STK3: variants seen among roughly 807,000 people sequenced by gnomAD.
The protein encoded by STK3 is serine/threonine kinase 3, also known as serine/threonine-protein kinase 3.
A neutral mutation model predicts 58.0 loss-of-function variants in STK3; 41 were observed. The ratio of observed to expected loss-of-function variants is 0.71; its 90% confidence interval spans 0.55 to 0.92. STK3 has a LOEUF of 0.92. STK3 is among the 40% of genes least tolerant of loss of function. The pLI is 0.00. For missense variants in STK3, 479 were observed against 602.7 expected (o/e 0.79, Z 2.15); for synonymous variants, 170 against 191.0 (o/e 0.89, Z 0.91).
chr8:98,662,577 CTCTA>C (rs747936987), intron 6 of STK3, among the ~76,000 whole-genome samples: 2 of 151,932 alleles, frequency 1.3e-5, no homozygotes, highest in African/African-American at 4.8e-5. Context: ...TTAAATAACA[CTCTA>C]TCTACTGTTT....
At chr8:98,650,671 C>A (rs549733719) in intron 6 of STK3, among the ~76,000 whole-genome samples, 7 of 152,224 alleles carry the variant, frequency 4.6e-5, no homozygotes, top group African/African-American at 7.2e-5. Context: ...TAAAAAACAG[C>A]GCACCAGGAG....
chr8:98,703,633 G>T (rs906421057), intron 6 of STK3, among the ~76,000 whole-genome samples: 1 of 151,952 alleles, frequency 6.6e-6, no homozygotes, highest in African/African-American at 2.4e-5. Flanking sequence ...TTTCCAGACT[G>T]TGCCCTGTTA....
intron 4 of STK3, among the ~76,000 whole-genome samples, chr8:98,716,767 A>G (rs964280263): frequency 2.0e-5 from 3 of 152,196 alleles, no homozygotes; most frequent in African/African-American, 7.2e-5. Context: ...CCTGATTTCA[A>G]AACTTATTAC....
At chr8:98,828,513 C>T (rs1835410399), upstream of STK3, among the ~76,000 whole-genome samples, 1 of 143,274 alleles carries the variant, frequency 7.0e-6, no homozygotes, top group African/African-American at 2.6e-5. Context: ...GTCCCAACTA[C>T]TAGGCTTCAG....
chr8:98,858,148 G>A (rs1587758504), intron 3 of STK3, among the ~76,000 whole-genome samples: 3 of 151,250 alleles, frequency 2.0e-5, no homozygotes, highest in East Asian at 3.9e-4. Flanking sequence ...TTGGGAGGCC[G>A]AGGTGAGCAG....
chr8:98,355,687 G>A, the STK3 span, among the ~76,000 whole-genome samples: 7 of 152,314 alleles, frequency 4.6e-5, no homozygotes, highest in African/African-American at 1.7e-4. Context: ...TCTTACTGAG[G>A]CCAGGGCCCA....
intron 3 of STK3, among the ~76,000 whole-genome samples, chr8:98,414,092 C>G (rs1287512187): frequency 1.3e-5 from 2 of 152,076 alleles, no homozygotes; most frequent in East Asian, 3.9e-4. Flanking sequence ...GGTGAAACCC[C>G]GTCTCTACTA....
At chr8:98,616,710 AAAG>A (rs1265993176) in intron 6 of STK3, among the ~76,000 whole-genome samples, 1 of 151,732 alleles carries the variant, frequency 6.6e-6, no homozygotes, top group Non-Finnish European at 1.5e-5. Flanking sequence ...CAAAAGAGAC[AAAG>A]AAGGCCATTA....
intron 1 of STK3, among the ~76,000 whole-genome samples, chr8:98,810,379 A>G (rs923520758): frequency 2.6e-5 from 4 of 151,532 alleles, no homozygotes; most frequent in African/African-American, 7.3e-5. Context: ...TCACTCTCCT[A>G]CCAGCAATGC....
chr8:98,827,204 T>A (rs972241161), upstream of STK3, among the ~76,000 whole-genome samples: 4 of 150,218 alleles, frequency 2.7e-5, no homozygotes, highest in African/African-American at 9.8e-5. Context: ...GGCCTGGTGA[T>A]GCGCCTGTAC....
At chr8:98,557,502 A>G (rs1811689587) in intron 8 of STK3, among the ~76,000 whole-genome samples, 1 of 152,088 alleles carries the variant, frequency 6.6e-6, no homozygotes, top group Non-Finnish European at 1.5e-5. Context: ...AATTGCCCAC[A>G]GTAGATCAAC....
At chr8:98,659,000 ACAGTATT>A (rs1821762530) in intron 6 of STK3, among the ~76,000 whole-genome samples, 1 of 152,080 alleles carries the variant, frequency 6.6e-6, no homozygotes, top group Non-Finnish European at 1.5e-5. Flanking sequence ...ACAATTGCCT[ACAGTATT>A]CAGTACAGTA....
At chr8:98,687,243 G>A (rs1418354601) in intron 6 of STK3, among the ~76,000 whole-genome samples, 1 of 152,168 alleles carries the variant, frequency 6.6e-6, no homozygotes, top group East Asian at 1.9e-4. Flanking sequence ...AACCGGTTTC[G>A]TGGACGACAA....
intron 3 of STK3, chr8:98,427,908 T>C: frequency 1.5e-6 from 2 of 1,327,686 alleles, no homozygotes; most frequent in Non-Finnish European, 2.0e-6. Context: ...CGCACGGCGC[T>C]CTCGCCGACG....
chr8:98,618,039 A>G (rs1489454692), intron 6 of STK3, among the ~76,000 whole-genome samples: 2 of 151,952 alleles, frequency 1.3e-5, no homozygotes, highest in Non-Finnish European at 2.9e-5. Context: ...AATATCCTTG[A>G]TGAACATTGA....
rs1233465422 is a variant in STK3 at position 98,507,957 on chromosome 8, G to A, written c.1317+18785C>T. On this transcript the variant is annotated intron_variant, in intron 10 of 10. Transcript: ENST00000419617. ...CCCAACACCGGCCTCATTACCTTAC[G>A]TGGTTCTTTTTTCTCTCCAAAGTAC... Among the ~76,000 whole-genome samples, 3 of 152,114 alleles carry A rather than the reference G, an allele frequency of 2.0e-5. No homozygotes were observed. In the East Asian group the frequency reaches 5.8e-4, roughly 29 times the overall value.
the STK3 span, among the ~76,000 whole-genome samples, chr8:98,346,818 GAA>G: frequency 7.9e-3 from 1,134 of 142,740 alleles, 5 homozygotes; most frequent in Non-Finnish European, 0.011. Context: ...GTTTCAGGCA[GAA>G]AAAAAAAAGA....
At chr8:98,705,706 C>T (rs1351293094) in intron 6 of STK3, among the ~76,000 whole-genome samples, 1 of 152,048 alleles carries the variant, frequency 6.6e-6, no homozygotes, top group Admixed American at 6.6e-5. Flanking sequence ...TTCCTACATC[C>T]TTATTGAGAT....
At chr8:98,373,503 A>G (rs1817633757) in intron 2 of STK3, among the ~76,000 whole-genome samples, 1 of 152,176 alleles carries the variant, frequency 6.6e-6, no homozygotes, top group Non-Finnish European at 1.5e-5. Context: ...TTCTTACTGG[A>G]TCATCACAAC....
Sources: gnomAD v4.1 joint callset for allele counts (sites outside exome capture counted in the v4.1 genomes callset) on GRCh38, gnomAD v4.1.1 for gene constraint, MANE v1.5 for transcripts, NCBI Gene and HGNC (gene_info 2026-07-23, HGNC 2026-07-21) for gene names.